The following TTBK2 variants were observed in gnomAD, a reference collection of about 807,000 sequenced individuals.
TTBK2 encodes tau-tubulin kinase 2.
In TTBK2, 28 loss-of-function variants were observed where a neutral mutation model predicts 110.8. The ratio of observed to expected loss-of-function variants is 0.25; its 90% confidence interval spans 0.19 to 0.35. The LOEUF (loss-of-function observed/expected upper bound fraction) is 0.35, where lower values mean the gene tolerates loss of function less well. Among genes scored for constraint, TTBK2 ranks in the 10% least tolerant of loss-of-function variants. TTBK2 has a pLI of 1.00. For missense variants in TTBK2, 1,369 were observed against 1,500.3 expected (o/e 0.91, Z 1.45); for synonymous variants, 532 against 527.3 (o/e 1.01, Z -0.12).
chr15:42,817,110 C>G lies in TTBK2; in HGVS notation c.538-13G>C. On this transcript the variant is annotated splice_polypyrimidine_tract_variant and intron_variant, in intron 6 of 14. Coordinates refer to ENST00000267890, the MANE Select transcript of TTBK2 (RefSeq NM_173500.4). ...CCACAGCTCGAGGCTACAACGAAGC[C>G]ATGCAAAGAATAATAAATGAGCTTC... 6.3e-7 allele frequency: 1 copy of G among 1,599,964 alleles called. No individual in the cohort carries two copies.
intron 14 of TTBK2, among the ~76,000 whole-genome samples, chr15:42,747,544 G>T (rs2061810835): frequency 6.6e-6 from 1 of 152,086 alleles, no homozygotes; most frequent in Non-Finnish European, 1.5e-5. Flanking sequence ...CATAAGGAGC[G>T]TACAACCTAG....
At position 42,783,408 on chromosome 15, in the gene TTBK2, G is replaced by A; in HGVS notation, c.1197+11C>T. On this transcript the variant is annotated intron_variant, in intron 11 of 14. Coordinates refer to ENST00000267890, the MANE Select transcript of TTBK2 (RefSeq NM_173500.4). ...AGAAATAAATTTCTGTTGTTTATAA[G>A]GTACTCATACCTTACAAATTCCAAG... is the stretch of plus-strand genomic sequence containing the variant. 3 of 1,610,888 alleles carry A rather than the reference G, an allele frequency of 1.9e-6. No homozygotes were observed. The highest frequency in any genetic ancestry group is 2.5e-6 in the Non-Finnish European group (3 of 1,177,196).
chr15:42,787,057 T>C (rs1231283453), intron 10 of TTBK2, among the ~76,000 whole-genome samples: 1 of 152,128 alleles, frequency 6.6e-6, no homozygotes, highest in Non-Finnish European at 1.5e-5. Context: ...AGAACGAATA[T>C]CCTTTTCATA....
chr15:42,910,063 T>G (rs534570385), intron 1 of TTBK2, among the ~76,000 whole-genome samples: 1 of 152,288 alleles, frequency 6.6e-6, no homozygotes, highest in East Asian at 1.9e-4. Context: ...TGACAACATT[T>G]TATTTATTGA....
At chr15:42,827,132 G>T (rs1421087907) in intron 6 of TTBK2, among the ~76,000 whole-genome samples, 1 of 152,164 alleles carries the variant, frequency 6.6e-6, no homozygotes, top group African/African-American at 2.4e-5. Flanking sequence ...AGCCTTACTG[G>T]TACCACTACC....
At chr15:42,872,130 G>A (rs945845217) in intron 3 of TTBK2, among the ~76,000 whole-genome samples, 6 of 152,140 alleles carry the variant, frequency 3.9e-5, no homozygotes, top group African/African-American at 1.4e-4. Context: ...GCCAGAAACA[G>A]TTATTCTCTG....
At chr15:42,789,458 G>C (rs955615851) in intron 10 of TTBK2, among the ~76,000 whole-genome samples, 1 of 152,170 alleles carries the variant, frequency 6.6e-6, no homozygotes, top group African/African-American at 2.4e-5. Context: ...ATAAGGTCGG[G>C]TGTAGCGGCT....
At chr15:42,779,606 G>A (rs1036981582) in intron 11 of TTBK2, among the ~76,000 whole-genome samples, 2 of 152,154 alleles carry the variant, frequency 1.3e-5, no homozygotes, top group Non-Finnish European at 2.9e-5. Context: ...ATGAGCCAAG[G>A]ACTTTCAGAA....
intron 9 of TTBK2, among the ~76,000 whole-genome samples, chr15:42,795,298 G>T (rs964073365): frequency 2.0e-5 from 3 of 149,742 alleles, no homozygotes; most frequent in African/African-American, 7.4e-5. Context: ...CTTAAAATAT[G>T]TGTGTGCATG....
chr15:42,885,927 C>T (rs986949138), intron 1 of TTBK2, among the ~76,000 whole-genome samples: 1 of 152,142 alleles, frequency 6.6e-6, no homozygotes, highest in Non-Finnish European at 1.5e-5. Flanking sequence ...GACAGTAGTT[C>T]CAAGTGGCCA....
At chr15:42,763,143 CATATATATATATACATATAT>C (rs1302991563) in intron 13 of TTBK2, among the ~76,000 whole-genome samples, 53 of 51,168 alleles carry the variant, frequency 1.0e-3, no homozygotes, top group Non-Finnish European at 1.4e-3. Flanking sequence ...TATATACATA[CATATATATATATACATATAT>C]ATATATATAT....
At chr15:42,792,424 C>A (rs1178492938) in intron 10 of TTBK2, among the ~76,000 whole-genome samples, 3 of 152,098 alleles carry the variant, frequency 2.0e-5, no homozygotes, top group African/African-American at 7.2e-5. Flanking sequence ...TTTCCTCCGT[C>A]ACTCCACTAA....
chr15:42,829,519 T>C (rs1248447581), intron 5 of TTBK2, among the ~76,000 whole-genome samples: 1 of 152,206 alleles, frequency 6.6e-6, no homozygotes, highest in Non-Finnish European at 1.5e-5. Context: ...CACATAATAA[T>C]AGTCAAACAT....
intron 2 of TTBK2, among the ~76,000 whole-genome samples, chr15:42,875,905 C>CAA (rs57982301): frequency 0.026 from 1,475 of 55,930 alleles, 40 homozygotes; most frequent in Admixed American, 0.076. Flanking sequence ...GACTCCGTCT[C>CAA]AAAAAAAAAA....
chr15:42,811,322 C>T (rs1472220439), intron 8 of TTBK2, among the ~76,000 whole-genome samples: 1 of 152,148 alleles, frequency 6.6e-6, no homozygotes, highest in African/African-American at 2.4e-5. Context: ...ATCTGATCTA[C>T]TTTTCTTTAT....
At chr15:42,829,585 T>C (rs1199561505) in intron 5 of TTBK2, among the ~76,000 whole-genome samples, 1 of 151,980 alleles carries the variant, frequency 6.6e-6, no homozygotes, top group Non-Finnish European at 1.5e-5. Flanking sequence ...GTGCAGTGGC[T>C]ATCCACAGGA....
intron 2 of TTBK2, among the ~76,000 whole-genome samples, chr15:42,875,457 G>A (rs547266778): frequency 5.4e-4 from 82 of 152,138 alleles, no homozygotes; most frequent in African/African-American, 2.0e-3. Context: ...ATGTGACCTT[G>A]CTACTCCCCC....
intron 14 of TTBK2, among the ~76,000 whole-genome samples, chr15:42,748,984 C>T (rs2061831783): frequency 1.3e-5 from 2 of 152,168 alleles, no homozygotes; most frequent in Non-Finnish European, 2.9e-5. Context: ...ACGTATTCTT[C>T]ACTAGCATTT....
At chr15:42,775,026 T>C (rs971497777) in intron 13 of TTBK2, 109 bp downstream of exon 13, 11 of 1,204,994 alleles carry the variant, frequency 9.1e-6, no homozygotes, top group African/African-American at 9.0e-5. Flanking sequence ...CTGGGCCATC[T>C]GCAAAATTTA....
Sources: allele counts gnomAD v4.1 joint callset (sites outside exome capture counted in the v4.1 genomes callset), GRCh38; gene constraint gnomAD v4.1.1; transcripts MANE v1.5; gene names NCBI Gene and HGNC (gene_info 2026-07-23, HGNC 2026-07-21).